The following EXOC6B variants were observed in gnomAD, a reference collection of about 807,000 sequenced individuals.
The protein encoded by EXOC6B is SEC15 homolog B.
A neutral mutation model predicts 113.5 loss-of-function variants in EXOC6B; 54 were observed. That is an observed-to-expected ratio of 0.48 (90% CI 0.38 to 0.60). The LOEUF (loss-of-function observed/expected upper bound fraction) is 0.60. Among genes scored for constraint, EXOC6B ranks in the 20% least tolerant of loss-of-function variants. The probability of loss-of-function intolerance (pLI) is 0.00; values close to 1 mark genes in which losing one functional copy is unlikely to be tolerated. For missense variants in EXOC6B, 797 were observed against 977.5 expected (o/e 0.82, Z 2.46); for synonymous variants, 357 against 339.0 (o/e 1.05, Z -0.58).
chr2:72,502,100 G>C (rs1458959610), intron 11 of EXOC6B, among the ~76,000 whole-genome samples: 1 of 152,018 alleles, frequency 6.6e-6, no homozygotes, highest in African/African-American at 2.4e-5. Flanking sequence ...TCCTTTTGTA[G>C]GAATTAATAG....
rs542667071 is a variant in EXOC6B at position 72,385,138 on chromosome 2, G to T, written c.1981-5268C>A. 6.6e-5 allele frequency among the ~76,000 whole-genome samples: 10 copies of T among 152,254 alleles called. No individual in the cohort carries two copies. The South Asian group carries it at 2.1e-3, about 32-fold the overall frequency. On this transcript the variant is annotated intron_variant, in intron 18 of 21. Transcript: ENST00000272427. ...ATACAAATCTATAGTAATCAAGACA[G>T]TATGGCACTAGTGCAAAAACTGATA...
chr2:72,719,227 G>A (rs1195989186), intron 5 of EXOC6B, among the ~76,000 whole-genome samples: 1 of 151,842 alleles, frequency 6.6e-6, no homozygotes, highest in Non-Finnish European at 1.5e-5. Context: ...TGGAGCAGAG[G>A]GCAAAAAACT....
At chr2:72,711,485 C>A (rs1449091645) in intron 6 of EXOC6B, among the ~76,000 whole-genome samples, 1 of 152,026 alleles carries the variant, frequency 6.6e-6, no homozygotes, top group Admixed American at 6.6e-5. Flanking sequence ...TACAGTAGCC[C>A]GCCAACCTCT....
chr2:72,747,005 G>A (rs1681744973), intron 1 of EXOC6B, among the ~76,000 whole-genome samples: 1 of 151,970 alleles, frequency 6.6e-6, no homozygotes, highest in Non-Finnish European at 1.5e-5. Context: ...GACCCCCAAA[G>A]AAAACAGAAA....
intron 20 of EXOC6B, among the ~76,000 whole-genome samples, chr2:72,230,920 T>C (rs572062853): frequency 6.6e-6 from 1 of 152,316 alleles, no homozygotes; most frequent in African/African-American, 2.4e-5. Context: ...GCTTTCCAGG[T>C]ATGTGTTGGA....
At chr2:72,792,426 A>G (rs551012755) in intron 1 of EXOC6B, among the ~76,000 whole-genome samples, 1 of 152,340 alleles carries the variant, frequency 6.6e-6, no homozygotes, top group South Asian at 2.1e-4. Context: ...ATATGACACA[A>G]AGTATCAGTA....
At chr2:72,311,910 G>A (rs1296156314) in intron 20 of EXOC6B, among the ~76,000 whole-genome samples, 1 of 152,202 alleles carries the variant, frequency 6.6e-6, no homozygotes, top group Non-Finnish European at 1.5e-5. Context: ...TGATCTTGAA[G>A]ATTCTTATGT....
chr2:72,733,011 T>C, intron 3 of EXOC6B, 60 bp downstream of exon 3: 2 of 1,127,220 alleles, frequency 1.8e-6, no homozygotes, highest in Non-Finnish European at 2.6e-6. Flanking sequence ...AATAACATAG[T>C]CATTAAAAGA....
chr2:72,758,888 T>A (rs911849196), intron 1 of EXOC6B, among the ~76,000 whole-genome samples: 4 of 152,236 alleles, frequency 2.6e-5, no homozygotes, highest in African/African-American at 9.6e-5. Context: ...AACAAGTCCT[T>A]GATCCCTTTT....
At chr2:72,498,591 G>T in intron 12 of EXOC6B, 40 bp from the exon 13 acceptor site, 1 of 1,417,946 alleles carries the variant, frequency 7.1e-7, no homozygotes. Flanking sequence ...GTCTAAGGAA[G>T]GAGTTTTTTT....
At chr2:72,478,516 T>C (rs528004055) in intron 17 of EXOC6B, among the ~76,000 whole-genome samples, 1 of 152,322 alleles carries the variant, frequency 6.6e-6, no homozygotes, top group African/African-American at 2.4e-5. Context: ...AAAAAATAAA[T>C]TTTCAGTGTG....
At chr2:72,597,091 G>T (rs1341665228) in intron 6 of EXOC6B, among the ~76,000 whole-genome samples, 1 of 149,696 alleles carries the variant, frequency 6.7e-6, no homozygotes, top group Non-Finnish European at 1.5e-5. Context: ...TGGGATAATG[G>T]AAATGTTTTA....
chr2:72,817,662 A>G (rs925787898), intron 1 of EXOC6B, among the ~76,000 whole-genome samples: 2 of 152,242 alleles, frequency 1.3e-5, no homozygotes, highest in African/African-American at 2.4e-5. Context: ...AAAGAAAAGT[A>G]AAGTTCCTCC....
chr2:72,281,168 G>A (rs552907851), intron 20 of EXOC6B, among the ~76,000 whole-genome samples: 2 of 152,292 alleles, frequency 1.3e-5, no homozygotes, highest in South Asian at 4.1e-4. Flanking sequence ...CTACATTGCT[G>A]CAAAACTGCA....
intron 20 of EXOC6B, among the ~76,000 whole-genome samples, chr2:72,292,673 C>T (rs62149275): frequency 0.12 from 18,189 of 152,144 alleles, 1,190 homozygotes; most frequent in African/African-American, 0.18. Context: ...GTTTTACTTA[C>T]TACTAGTCAC....
rs555249608 is a variant in EXOC6B, at chr2:72,530,163, A to G, written c.916-15037T>C. Among the ~76,000 whole-genome samples the G allele has an allele frequency of 2.7e-3, 416 of 152,166 alleles. 3 individuals carry two copies. Among genetic ancestry groups the G allele is most frequent in the African/African-American group, 9.6e-3 (398 of 41,510 alleles). On this transcript the variant is annotated intron_variant, in intron 8 of 21. Transcript: ENST00000272427. The stretch of plus-strand genomic sequence containing the variant: ...CTCTTATTATTCTTCCATTCATTCT[A>G]CTTGCCTTGGGATTATTTTGCCTTT...
At chr2:72,353,533 G>A (rs879269745) in intron 19 of EXOC6B, among the ~76,000 whole-genome samples, 6 of 151,736 alleles carry the variant, frequency 4.0e-5, no homozygotes, top group South Asian at 2.1e-4. Flanking sequence ...CACCATGCCC[G>A]GCTACTTTTT....
chr2:72,177,787 T>C lies in EXOC6B; in HGVS notation c.*1548A>G, dbSNP rs1479534037. ...CTGACAAAGGTAGTGAAGAATTCTG[T>C]TTGATGAGTCTCTCCTCCCATCAAT... On this transcript the variant is annotated 3_prime_UTR_variant, in exon 22 of 22. Coordinates refer to ENST00000272427, the MANE Select transcript of EXOC6B (RefSeq NM_015189.3). 1 of 152,222 alleles carries C rather than the reference T, an allele frequency of 6.6e-6. No individual in the cohort carries two copies. The highest frequency in any genetic ancestry group is 1.5e-5 in the Non-Finnish European group (1 of 68,050). The allele number at this position is 152,222 out of a possible 1,614,324, so 9.4% of individuals were successfully genotyped here. A position where few individuals can be genotyped will look rare whatever the true frequency, so the allele number is the denominator to read the frequency against.
chr2:72,232,316 A>T (rs376636341), intron 20 of EXOC6B, among the ~76,000 whole-genome samples: 59 of 152,266 alleles, frequency 3.9e-4, no homozygotes, highest in African/African-American at 1.4e-3. Flanking sequence ...GAGAATATTT[A>T]ATACCGGTTA....
Sources: gnomAD v4.1 joint callset for allele counts (sites outside exome capture counted in the v4.1 genomes callset) on GRCh38, gnomAD v4.1.1 for gene constraint, MANE v1.5 for transcripts, NCBI Gene and HGNC (gene_info 2026-07-23, HGNC 2026-07-21) for gene names.